SLC1A1: variants seen among roughly 807,000 people sequenced by gnomAD.
The protein encoded by SLC1A1 is solute carrier family 1 member 1, also known as excitatory amino acid transporter 3.
A neutral mutation model predicts 53.3 loss-of-function variants in SLC1A1; 43 were observed. That is an observed-to-expected ratio of 0.81 (90% CI 0.63 to 1.04). SLC1A1 has a LOEUF of 1.04. Ranked by LOEUF, SLC1A1 falls within the 50% of genes least tolerant of loss-of-function variation. The probability of loss-of-function intolerance (pLI) is 0.00; values close to 1 mark genes in which losing one functional copy is unlikely to be tolerated. For synonymous variants in SLC1A1, 307 were observed against 243.2 expected (o/e 1.26, Z -2.44); for missense variants, 748 against 664.9 (o/e 1.12, Z -1.37).
intron 1 of SLC1A1, among the ~76,000 whole-genome samples, chr9:4,538,711 T>G (rs1190173733): frequency 1.3e-5 from 2 of 152,224 alleles, no homozygotes; most frequent in African/African-American, 4.8e-5. Context: ...GACTCCAGCA[T>G]CTGTGCTTTG....
chr9:4,559,784 G>C (rs1185404657), intron 2 of SLC1A1: 1 of 152,106 alleles, frequency 6.6e-6, no homozygotes, highest in African/African-American at 2.4e-5. Context: ...CCCTCATTTT[G>C]GAAATCAGGC....
At chr9:4,547,494 T>A (rs1369571783) in intron 2 of SLC1A1, among the ~76,000 whole-genome samples, 1 of 152,146 alleles carries the variant, frequency 6.6e-6, no homozygotes, top group East Asian at 1.9e-4. Flanking sequence ...ATGTTTTAAA[T>A]TGTCAGATTA....
chr9:4,535,038 G>C (rs1429158137), intron 1 of SLC1A1, among the ~76,000 whole-genome samples: 1 of 152,090 alleles, frequency 6.6e-6, no homozygotes, highest in East Asian at 1.9e-4. Flanking sequence ...CAATAAATTA[G>C]GTATTGATGG....
At chr9:4,559,071 C>T (rs1209710658) in intron 2 of SLC1A1, among the ~76,000 whole-genome samples, 1 of 152,178 alleles carries the variant, frequency 6.6e-6, no homozygotes, top group Non-Finnish European at 1.5e-5. Flanking sequence ...GAGACCTAAA[C>T]TAAATATGAG....
rs1370477572 is a variant in SLC1A1, at chr9:4,566,072, C to G, written c.466C>G (p.Gln156Glu). The G allele has an allele frequency of 3.1e-6, 5 of 1,613,364 alleles. No homozygotes were observed. Among genetic ancestry groups the G allele is most frequent in the Non-Finnish European group, 4.2e-6 (5 of 1,179,386 alleles). Residue 156 changes from glutamine (Q) to glutamate (E), a missense_variant, in exon 5 of 12, where the codon CAG becomes GAG. By Grantham distance (29) the Gln-to-Glu change is conservative. Transcript: ENST00000262352. Reference protein sequence around the residue: ...IRNMFPENLVQACFQQYKTKR... With the variant: ...IRNMFPENLVEACFQQYKTKR... ...GAATATGTTCCCTGAGAATCTTGTC[C>G]AGGCCTGTTTTCAGCAGGTAATATT...
At chr9:4,503,727 CCT>C (rs1820710448) in intron 1 of SLC1A1, among the ~76,000 whole-genome samples, 1 of 151,920 alleles carries the variant, frequency 6.6e-6, no homozygotes, top group Non-Finnish European at 1.5e-5. Context: ...CTTTTTCTTA[CCT>C]GTTTCCTAAG....
rs948899261 is a variant in SLC1A1, at chr9:4,570,883, C to A, written c.583-1321C>A. On this transcript the variant is annotated intron_variant, in intron 6 of 11. Transcript: ENST00000262352. ...GTGAGCTATGATCATGCCACTGCAC[C>A]CCAGCCTGGACAACATGAGACCCTG... Among the ~76,000 whole-genome samples, 5 of 150,648 alleles carry A rather than the reference C, an allele frequency of 3.3e-5. No individual in the cohort carries two copies. In the East Asian group the frequency reaches 9.7e-4, roughly 29 times the overall value.
At chr9:4,526,661 T>C (rs1474305234) in intron 1 of SLC1A1, among the ~76,000 whole-genome samples, 1 of 152,222 alleles carries the variant, frequency 6.6e-6, no homozygotes, top group Non-Finnish European at 1.5e-5. Context: ...TTCAGAATAC[T>C]CTTTCAAAGA....
chr9:4,548,859 T>C (rs190698352), intron 2 of SLC1A1, among the ~76,000 whole-genome samples: 1 of 152,142 alleles, frequency 6.6e-6, no homozygotes, highest in African/African-American at 2.4e-5. Flanking sequence ...TGGGTACCAA[T>C]AGAATCCTAC....
In SLC1A1 at chr9:4,556,492, A is replaced by C. The variant is rs1455827771; in HGVS notation, c.233-4957A>C. 6.6e-6 allele frequency among the ~76,000 whole-genome samples: 1 copy of C among 152,206 alleles called. No homozygotes were observed. Among genetic ancestry groups the C allele is most frequent in the Non-Finnish European group, 1.5e-5 (1 of 68,042 alleles). On this transcript the variant is annotated intron_variant, in intron 2 of 11. Transcript: ENST00000262352. This position sits in a 1 kb window ranked among gnomAD's most constrained non-coding sequence, Gnocchi z 4.1. ...ACTCCCAGGAGAAACGAGTTCTGAT[A>C]GTGAACTGTAAAGAGAGGGGGTCCT...
Position 4,556,299 on chromosome 9 carries a change from C to A in SLC1A1, c.233-5150C>A, listed in dbSNP as rs898038547. On this transcript the variant is annotated intron_variant, in intron 2 of 11. Transcript: ENST00000262352. The surrounding 1 kb of genome is among the most constrained non-coding windows in gnomAD (Gnocchi z 4.1). ...CCTCCCAAAGTGCTGGGATTACCGG[C>A]GTGAGCCACTACGCCCCGCCCCTAT... Among the ~76,000 whole-genome samples the A allele has an allele frequency of 6.6e-6, 1 of 152,162 alleles. No homozygotes were observed. The highest frequency in any genetic ancestry group is 2.4e-5 in the African/African-American group (1 of 41,440).
At chr9:4,522,751 T>C (rs949405431) in intron 1 of SLC1A1, among the ~76,000 whole-genome samples, 4 of 152,134 alleles carry the variant, frequency 2.6e-5, no homozygotes, top group South Asian at 2.1e-4. Context: ...CAAACACTTA[T>C]AAAACCATCA....
intron 1 of SLC1A1, among the ~76,000 whole-genome samples, chr9:4,521,238 TTTTAA>T (rs1816059050): frequency 6.6e-6 from 1 of 152,210 alleles, no homozygotes; most frequent in African/African-American, 2.4e-5. Flanking sequence ...TCAAAAAAAT[TTTTAA>T]TTTTTTTCTG....
chr9:4,554,619 G>C (rs925879478), intron 2 of SLC1A1, among the ~76,000 whole-genome samples: 2 of 152,212 alleles, frequency 1.3e-5, no homozygotes, highest in African/African-American at 4.8e-5. Context: ...GTCTGTTCCA[G>C]AAGAGGCTGG....
chr9:4,514,513 T>C (rs1024079786), intron 1 of SLC1A1, among the ~76,000 whole-genome samples: 4 of 152,142 alleles, frequency 2.6e-5, no homozygotes, highest in Admixed American at 2.0e-4. Flanking sequence ...TTGGGAAGGC[T>C]TTCCAAATAC....
At chr9:4,534,745 A>T (rs894024769) in intron 1 of SLC1A1, among the ~76,000 whole-genome samples, 28 of 152,076 alleles carry the variant, frequency 1.8e-4, no homozygotes, top group African/African-American at 6.5e-4. Flanking sequence ...CCTGGCAGAG[A>T]CACAACAAAG....
chr9:4,567,609 C>T, intron 5 of SLC1A1, 60 bp from the exon 6 acceptor site: 1 of 1,116,176 alleles, frequency 9.0e-7, no homozygotes, highest in Non-Finnish European at 1.3e-6. Context: ...GATTTAGTCT[C>T]AAAAGCTTAA....
In SLC1A1 at chr9:4,561,561, C is replaced by G; in HGVS notation, c.325+20C>G. On this transcript the variant is annotated intron_variant, in intron 3 of 11. Coordinates refer to ENST00000262352, the MANE Select transcript of SLC1A1 (RefSeq NM_004170.6). ...TTCTAGGTAATACTTATTTCTGAAT[C>G]CTTACTACTTTATGTAATGGTGATT... is the stretch of plus-strand genomic sequence containing the variant. 1 of 1,346,664 alleles carries G rather than the reference C, an allele frequency of 7.4e-7. No homozygotes were observed. The highest frequency in any genetic ancestry group is 1.1e-6 in the Non-Finnish European group (1 of 936,082). The allele number at this position is 1,346,664 out of a possible 1,614,324, so 83.4% of individuals were successfully genotyped here. A position where few individuals can be genotyped will look rare whatever the true frequency, so the allele number is the denominator to read the frequency against.
At chr9:4,552,511 A>T (rs1487795835) in intron 2 of SLC1A1, among the ~76,000 whole-genome samples, 1 of 152,148 alleles carries the variant, frequency 6.6e-6, no homozygotes, top group Non-Finnish European at 1.5e-5. Context: ...AAGGGGGAGC[A>T]CAAGGGTTTA....
Sources: allele counts gnomAD v4.1 joint callset (sites outside exome capture counted in the v4.1 genomes callset), GRCh38; gene constraint gnomAD v4.1.1; non-coding constraint Gnocchi (gnomAD v3.1); transcripts MANE v1.5; gene names NCBI Gene and HGNC (gene_info 2026-07-23, HGNC 2026-07-21).